The following PRDM13 variants were observed in gnomAD, a reference collection of about 807,000 sequenced individuals.
PRDM13 encodes the protein PR/SET domain 13.
A neutral mutation model predicts 36.4 loss-of-function variants in PRDM13; 15 were observed. That is an observed-to-expected ratio of 0.41 (90% CI 0.28 to 0.64). The LOEUF is 0.64. Among genes scored for constraint, PRDM13 ranks in the 30% least tolerant of loss-of-function variants. PRDM13 has a pLI of 0.29. For missense variants in PRDM13, 1,044 were observed against 1,013.5 expected (o/e 1.03, Z -0.41); for synonymous variants, 531 against 467.7 (o/e 1.14, Z -1.75).
In PRDM13 at chr6:99,614,749, G is replaced by A; in HGVS notation, c.2114G>A (p.Arg705His). ...CCCGAGGTTGGGGGCGGCGGGGAGC[G>A]CGACTTGTAACGAGTCTTCCCGGGA... ...SDPEVGGGGE[R>H]DL The change falls in exon 4 of 4, where the codon CGC (arginine) becomes CAC (histidine). Residue 705 changes from arginine (R) to histidine (H), a missense_variant. Transcript: ENST00000369215. 1 of 1,571,758 alleles carries A rather than the reference G, an allele frequency of 6.4e-7. No homozygotes were observed. Among genetic ancestry groups the A allele is most frequent in the South Asian group, 1.2e-5 (1 of 84,806 alleles).
In PRDM13 at chr6:99,615,009, C is replaced by T. The variant is rs1014920064; in HGVS notation, c.*250C>T. ...GCCACCAGTACCTCCGCACCCCGGGCCTCTGGACTTCTTGGATGAGCTCAC... is the reference window on the plus strand; with the variant it reads ...GCCACCAGTACCTCCGCACCCCGGGTCTCTGGACTTCTTGGATGAGCTCAC... On this transcript the variant is annotated 3_prime_UTR_variant, in exon 4 of 4. Transcript: ENST00000369215. 6 of 565,528 alleles carry T rather than the reference C, an allele frequency of 1.1e-5. No homozygotes were observed. In the Admixed American group the frequency reaches 2.2e-4, roughly 21 times the overall value. The allele number at this position is 565,528 out of a possible 1,614,324, so 35.0% of individuals were successfully genotyped here.
chr6:99,608,627 C>T (rs1201945463), intron 1 of PRDM13, 114 bp from the exon 2 acceptor site: 5 of 1,442,130 alleles, frequency 3.5e-6, no homozygotes, highest in Non-Finnish European at 4.6e-6. Context: ...AGTGGTCTGG[C>T]CAAACCAAAA....
In PRDM13 at chr6:99,614,137, G is replaced by A. The variant is rs939912270; in HGVS notation, c.1502G>A (p.Gly501Glu). 2 of 1,598,560 alleles carry A rather than the reference G, an allele frequency of 1.3e-6. No homozygotes were observed. Among genetic ancestry groups the A allele is most frequent in the Non-Finnish European group, 1.7e-6 (2 of 1,174,562 alleles). ...CCGGAGTCCATCTCCTACTTCAGCG[G>A]GCCTGCAGCGGCCGCCCTAAGCCCC... ...KYPESISYFS[G>E]PAAAALSPAE... The change falls in exon 4 of 4, where the codon GGG becomes GAG. Residue 501 changes from glycine (G) to glutamate (E), a missense_variant. Gly to Glu is a moderately conservative substitution (Grantham distance 98). This residue lies in a region of PRDM13 where 921 missense variants were observed against 865.2 expected (regional missense o/e 1.06). Coordinates refer to ENST00000369215, the MANE Select transcript of PRDM13 (RefSeq NM_021620.4).
At chr6:99,612,229 G>A (rs895366148) in intron 3 of PRDM13, among the ~76,000 whole-genome samples, 2 of 152,096 alleles carry the variant, frequency 1.3e-5, no homozygotes, top group Middle Eastern at 3.2e-3. Context: ...CTATCTAGGA[G>A]TTAATTAATT....
rs1770080634 is a variant in PRDM13, at chr6:99,613,853, G to A, written c.1218G>A (p.Glu406=). The change falls in exon 4 of 4, where the codon GAG becomes GAA. Residue 406 remains glutamate, a synonymous_variant. Transcript: ENST00000369215. This position sits in a 1 kb window ranked among gnomAD's most constrained non-coding sequence, Gnocchi z 6.1. The part of the protein sequence containing the change: ...PEEASAFKHV[E]RAPPAAAALP... ...AGGCGTCCGCCTTCAAGCACGTGGAGCGCGCCCCGCCCGCAGCCGCCGCGC... is the reference window on the plus strand; with the variant it reads ...AGGCGTCCGCCTTCAAGCACGTGGAACGCGCCCCGCCCGCAGCCGCCGCGC... 1.3e-6 allele frequency: 2 copies of A among 1,508,304 alleles called. No individual in the cohort carries two copies. The highest frequency in any genetic ancestry group is 8.8e-7 in the Non-Finnish European group (1 of 1,135,560). 93.4% of individuals were successfully genotyped at this position (1,508,304 alleles called of 1,614,324 possible). A position where few individuals can be genotyped will look rare whatever the true frequency, so the allele number is the denominator to read the frequency against.
At chr6:99,610,696 A>C (rs536710144) in intron 3 of PRDM13, among the ~76,000 whole-genome samples, 2 of 152,340 alleles carry the variant, frequency 1.3e-5, no homozygotes, top group Admixed American at 1.3e-4. Flanking sequence ...TCTCTTGTCA[A>C]CTTCTTCCAG....
intron 1 of PRDM13, among the ~76,000 whole-genome samples, chr6:99,608,324 T>G (rs961060183): frequency 5.3e-5 from 8 of 152,190 alleles, no homozygotes; most frequent in Admixed American, 6.5e-5. Flanking sequence ...GAGATAATTT[T>G]TTTGTTTGTT....
chr6:99,614,656 C>T lies in PRDM13; in HGVS notation c.2021C>T (p.Pro674Leu), dbSNP rs1770104060. ...CCGGGTGCCGAGCCCGGCTATCCCC[C>T]GGAGCCTGGGGATCCCAAGAGCGAC... ...DGPGAEPGYPPEPGDPKSDDS... is the reference protein window; with the variant it reads ...DGPGAEPGYPLEPGDPKSDDS... Residue 674 changes from proline to leucine, a missense_variant, in exon 4 of 4, where the codon CCG becomes CTG. Around this residue, in one of 3 missense-constraint regions of PRDM13, gnomAD observed 115 missense variants for 122.1 expected, o/e 0.94. Coordinates refer to ENST00000369215, the MANE Select transcript of PRDM13 (RefSeq NM_021620.4). The T allele has an allele frequency of 2.5e-6, 4 of 1,612,230 alleles. No homozygotes were observed. The highest frequency in any genetic ancestry group is 3.4e-6 in the Non-Finnish European group (4 of 1,179,708).
rs1011273136 is a variant in PRDM13, at chr6:99,613,479, G to A, written c.844G>A (p.Val282Ile). ...LGIVGGSSAG[V>I]GSLAFYPGVR... ...CATCGTGGGCGGCTCCTCGGCGGGG[G>A]TCGGCAGCCTGGCTTTCTACCCCGG... The change falls in exon 4 of 4, where the codon GTC becomes ATC. Residue 282 changes from valine (V) to isoleucine (I), a missense_variant. By Grantham distance (29) the Val-to-Ile change is conservative. Around this residue, in one of 3 missense-constraint regions of PRDM13, gnomAD observed 921 missense variants for 865.2 expected, o/e 1.06. Coordinates refer to ENST00000369215, the MANE Select transcript of PRDM13 (RefSeq NM_021620.4). This position sits in a 1 kb window ranked among gnomAD's most constrained non-coding sequence, Gnocchi z 6.1. 1.7e-5 allele frequency: 26 copies of A among 1,532,244 alleles called. No individual in the cohort carries two copies. The highest frequency in any genetic ancestry group is 2.5e-5 in the East Asian group (1 of 40,496). 94.9% of individuals were successfully genotyped at this position (1,532,244 alleles called of 1,614,324 possible).
At chr6:99,609,062 A>G in intron 2 of PRDM13, 125 bp from the exon 3 acceptor site, 3 of 1,407,766 alleles carry the variant, frequency 2.1e-6, no homozygotes, top group Non-Finnish European at 1.9e-6. Context: ...TGAGGTTCAG[A>G]GAGCTCCAGT....
chr6:99,614,301 A>G lies in PRDM13; in HGVS notation c.1666A>G (p.Thr556Ala). ...ACCGGCCGTCGCGGCGGCGGGAGGC[A>G]CCGGGGGCGGCGGCAGCGGAGGCAG... ...LPPAVAAAGG[T>A]GGGGSGGSGA... Residue 556 changes from threonine to alanine, a missense_variant, in exon 4 of 4, where the codon ACC (threonine) becomes GCC (alanine). By Grantham distance (58) the Thr-to-Ala change is moderately conservative (BLOSUM62 0). This residue lies in a region of PRDM13 where 921 missense variants were observed against 865.2 expected (regional missense o/e 1.06). Transcript: ENST00000369215. 1 of 1,604,982 alleles carries G rather than the reference A, an allele frequency of 6.2e-7. No individual in the cohort carries two copies. Among genetic ancestry groups the G allele is most frequent in the Non-Finnish European group, 8.5e-7 (1 of 1,176,032 alleles).
intron 3 of PRDM13, 93 bp downstream of exon 3, chr6:99,609,400 T>C (rs769717626): frequency 1.7e-5 from 25 of 1,482,610 alleles, no homozygotes; most frequent in Admixed American, 9.4e-5. Context: ...CTATGTAAAA[T>C]GGAATTCACA....
At chr6:99,610,266 C>T (rs563268303) in intron 3 of PRDM13, among the ~76,000 whole-genome samples, 1 of 152,148 alleles carries the variant, frequency 6.6e-6, no homozygotes, top group Non-Finnish European at 1.5e-5. Flanking sequence ...TTAAACCTAC[C>T]CTTGAACACT....
Position 99,613,721 on chromosome 6 carries a change from C to G in PRDM13, c.1086C>G (p.His362Gln). Residue 362 changes from histidine to glutamine, a missense_variant, in exon 4 of 4, where the codon CAC becomes CAG. Transcript: ENST00000369215. This position sits in a 1 kb window ranked among gnomAD's most constrained non-coding sequence, Gnocchi z 6.1. ...ATCACCACCACGCGCACCACCACCA[C>G]CATCCCAAGTGCCTGCTCGCTGGGG... ...HHHHHHAHHH[H>Q]HPKCLLAGDP... is the part of the protein sequence containing the mutation. The G allele has an allele frequency of 6.7e-7, 1 of 1,492,158 alleles. No individual in the cohort carries two copies. The highest frequency in any genetic ancestry group is 8.9e-7 in the Non-Finnish European group (1 of 1,128,972). The allele number at this position is 1,492,158 out of a possible 1,614,324, so 92.4% of individuals were successfully genotyped here. A position where few individuals can be genotyped will look rare whatever the true frequency, so the allele number is the denominator to read the frequency against.
chr6:99,608,423 G>A (rs1769982603), intron 1 of PRDM13, among the ~76,000 whole-genome samples: 1 of 152,154 alleles, frequency 6.6e-6, no homozygotes, highest in African/African-American at 2.4e-5. Context: ...AAATGGGAGA[G>A]CTGGGGTAGG....
In PRDM13 at chr6:99,613,093, A is replaced by C. The variant is rs764015546; in HGVS notation, c.458A>C (p.Lys153Thr). 3.3e-5 allele frequency: 53 copies of C among 1,613,712 alleles called. No individual in the cohort carries two copies. Among genetic ancestry groups the C allele is most frequent in the Non-Finnish European group, 2.3e-5 (27 of 1,180,038 alleles). ...ACGTTTAGATACCCCAACAGCCTTA[A>C]GGCACACCTGCGTTTCCACTGCGTG... The part of the protein sequence containing the change: ...WRTFRYPNSL[K>T]AHLRFHCVFS... The change falls in exon 4 of 4, where the codon AAG (lysine) becomes ACG (threonine). Residue 153 changes from lysine to threonine, a missense_variant. Coordinates refer to ENST00000369215, the MANE Select transcript of PRDM13 (RefSeq NM_021620.4). The surrounding 1 kb of genome is among the most constrained non-coding windows in gnomAD (Gnocchi z 6.1).
rs773451877 is a variant in PRDM13, at chr6:99,608,877, T to C, written c.276+5T>C. Reference sequence around the variant, plus strand: ...GCAGACTTACCCGGAGGACAGGTACTGCGGGCTTCTCTCCACACCCCCCCA... The same window carrying C: ...GCAGACTTACCCGGAGGACAGGTACCGCGGGCTTCTCTCCACACCCCCCCA... On this transcript the variant is annotated splice_donor_5th_base_variant and intron_variant, in intron 2 of 3. Coordinates refer to ENST00000369215, the MANE Select transcript of PRDM13 (RefSeq NM_021620.4). 31 of 1,609,968 alleles carry C rather than the reference T, an allele frequency of 1.9e-5. No individual in the cohort carries two copies. In the East Asian group the frequency reaches 6.9e-4, roughly 36 times the overall value.
chr6:99,614,575 G>T lies in PRDM13; in HGVS notation c.1940G>T (p.Arg647Leu). Residue 647 changes from arginine (R) to leucine (L), a missense_variant, in exon 4 of 4, where the codon CGA becomes CTA. Arg to Leu is a moderately radical substitution (Grantham distance 102). Transcript: ENST00000369215. ...KVLVRRRDLE[R>L]HVKSRHPGQS... is the part of the protein sequence containing the mutation. ...CTTGTGCGCCGCCGGGACCTGGAGC[G>T]ACATGTCAAGTCCCGCCACCCTGGC... 6.2e-7 allele frequency: 1 copy of T among 1,612,668 alleles called. No individual in the cohort carries two copies. The highest frequency in any genetic ancestry group is 8.5e-7 in the Non-Finnish European group (1 of 1,179,858).
rs1770080275 is a variant in PRDM13 at position 99,613,845 on chromosome 6, C to A, written c.1210C>A (p.His404Asn). ...VPPEEASAFK[H>N]VERAPPAAAA... ...CCCGGAAGAGGCGTCCGCCTTCAAG[C>A]ACGTGGAGCGCGCCCCGCCCGCAGC... is the stretch of plus-strand genomic sequence containing the variant. Residue 404 changes from histidine to asparagine, a missense_variant, in exon 4 of 4, where the codon CAC (histidine) becomes AAC (asparagine). Coordinates refer to ENST00000369215, the MANE Select transcript of PRDM13 (RefSeq NM_021620.4). This position sits in a 1 kb window ranked among gnomAD's most constrained non-coding sequence, Gnocchi z 6.1. The A allele has an allele frequency of 4.0e-6, 6 of 1,510,508 alleles. No individual in the cohort carries two copies. Among genetic ancestry groups the A allele is most frequent in the African/African-American group, 1.4e-5 (1 of 69,300 alleles). 93.6% of individuals were successfully genotyped at this position (1,510,508 alleles called of 1,614,324 possible).
Sources: allele counts gnomAD v4.1 joint callset (sites outside exome capture counted in the v4.1 genomes callset), GRCh38; gene constraint gnomAD v4.1.1; regional missense constraint gnomAD v4.1.1; non-coding constraint Gnocchi (gnomAD v3.1); transcripts MANE v1.5; gene names NCBI Gene and HGNC (gene_info 2026-07-23, HGNC 2026-07-21).